Variants in PTPRG observed in about 807,000 individuals in gnomAD.
The protein encoded by PTPRG is receptor-type tyrosine-protein phosphatase gamma.
Under a neutral mutation model 165.3 loss-of-function variants are expected in PTPRG, and 102 were observed. The observed-to-expected ratio is 0.62, with a 90% confidence interval of 0.53 to 0.73. The LOEUF is 0.73. PTPRG is among the 30% of genes least tolerant of loss of function. The pLI is 0.00. For missense variants in PTPRG, 1,866 were observed against 1,861.4 expected (o/e 1.00, Z -0.05); for synonymous variants, 675 against 669.5 (o/e 1.01, Z -0.13).
At chr3:61,766,345 C>G (rs991896162) in intron 2 of PTPRG, among the ~76,000 whole-genome samples, 4 of 152,200 alleles carry the variant, frequency 2.6e-5, no homozygotes, top group Admixed American at 6.5e-5. Flanking sequence ...TGGATTCTTT[C>G]TCACATCCCA....
intron 2 of PTPRG, among the ~76,000 whole-genome samples, chr3:61,875,353 T>TG (rs2037705884): frequency 1.3e-5 from 2 of 151,408 alleles, no homozygotes; most frequent in Admixed American, 1.3e-4. Flanking sequence ...TCTAAGTACT[T>TG]GATTCCATCT....
intron 7 of PTPRG, among the ~76,000 whole-genome samples, chr3:62,162,813 G>A (rs1316795472): frequency 3.3e-5 from 5 of 152,204 alleles, no homozygotes; most frequent in African/African-American, 1.2e-4. Flanking sequence ...TGAAATAGCT[G>A]AGAGCATACA....
At chr3:61,623,053 C>T (rs1310013022) in intron 1 of PTPRG, among the ~76,000 whole-genome samples, 1 of 152,142 alleles carries the variant, frequency 6.6e-6, no homozygotes, top group African/African-American at 2.4e-5. Flanking sequence ...ATCTCACAGG[C>T]ACATCAAGCT....
chr3:61,591,941 C>A (rs1700579872), intron 1 of PTPRG, among the ~76,000 whole-genome samples: 1 of 151,954 alleles, frequency 6.6e-6, no homozygotes, highest in Non-Finnish European at 1.5e-5. Flanking sequence ...CAGAAGAAAA[C>A]AGATGTGAAG....
chr3:61,677,708 C>A (rs1399377079), intron 1 of PTPRG, among the ~76,000 whole-genome samples: 1 of 152,150 alleles, frequency 6.6e-6, no homozygotes, highest in Non-Finnish European at 1.5e-5. Flanking sequence ...TGATTTGGAA[C>A]AAACCAAGCT....
chr3:61,742,901 C>A, intron 1 of PTPRG: 1 of 1,478,242 alleles, frequency 6.8e-7, no homozygotes, highest in East Asian at 2.3e-5. Flanking sequence ...TGCTGCTGGT[C>A]CCCCAGGACA....
At chr3:62,189,185 C>CCCTT (rs1699742281) in intron 8 of PTPRG, among the ~76,000 whole-genome samples, 1 of 152,096 alleles carries the variant, frequency 6.6e-6, no homozygotes, top group Admixed American at 6.5e-5. Flanking sequence ...ACTAATTTAT[C>CCCTT]CCTTCCTCCC....
intron 2 of PTPRG, among the ~76,000 whole-genome samples, chr3:61,768,514 C>T (rs1238816880): frequency 6.6e-6 from 1 of 152,096 alleles, no homozygotes. Flanking sequence ...GGTTGTTGCT[C>T]GGAGAGCATT....
rs571913648 is a variant in PTPRG, at chr3:61,786,008, C to T, written c.190+37026C>T. On this transcript the variant is annotated intron_variant, in intron 2 of 29. Transcript: ENST00000474889. The stretch of plus-strand genomic sequence containing the variant: ...CTTTTTCTGTAGTCCCCTCTCTAAA[C>T]AGGAAGCGACAACTACTAATTAGAC... 1.6e-4 allele frequency among the ~76,000 whole-genome samples: 24 copies of T among 152,306 alleles called. No individual in the cohort carries two copies. In the South Asian group the frequency reaches 3.9e-3, roughly 25 times the overall value.
Position 62,195,273 on chromosome 3 carries a change from C to G in PTPRG, c.1327+103C>G. Reference sequence around the variant, plus strand: ...GTGCTGGGGAAAAATACAAACAAGCCTGGCAGAAGAATCAGTGTAGGGTTT... The same window carrying G: ...GTGCTGGGGAAAAATACAAACAAGCGTGGCAGAAGAATCAGTGTAGGGTTT... On this transcript the variant is annotated intron_variant, in intron 10 of 29. Coordinates refer to ENST00000474889, the MANE Select transcript of PTPRG (RefSeq NM_002841.4). This position sits in a 1 kb window ranked among gnomAD's most constrained non-coding sequence, Gnocchi z 4.4. 1 of 1,052,376 alleles carries G rather than the reference C, an allele frequency of 9.5e-7. No homozygotes were observed. The allele number at this position is 1,052,376 out of a possible 1,614,324, so 65.2% of individuals were successfully genotyped here. A position where few individuals can be genotyped will look rare whatever the true frequency, so the allele number is the denominator to read the frequency against.
intron 1 of PTPRG, among the ~76,000 whole-genome samples, chr3:61,655,780 A>T (rs989918976): frequency 6.6e-6 from 1 of 151,786 alleles, no homozygotes; most frequent in Non-Finnish European, 1.5e-5. Flanking sequence ...TAATTTTTAA[A>T]TTTTTTTTGT....
intron 8 of PTPRG, among the ~76,000 whole-genome samples, chr3:62,182,678 T>G (rs963007158): frequency 6.6e-6 from 1 of 152,232 alleles, no homozygotes; most frequent in African/African-American, 2.4e-5. Flanking sequence ...TTTGTTTGTT[T>G]GAGATGGAGT....
chr3:61,583,735 C>T (rs1700363249), intron 1 of PTPRG, among the ~76,000 whole-genome samples: 1 of 152,154 alleles, frequency 6.6e-6, no homozygotes, highest in Non-Finnish European at 1.5e-5. Context: ...AGCCACGTGA[C>T]ATGAAGACAT....
chr3:61,905,730 A>T (rs115447061), intron 2 of PTPRG, among the ~76,000 whole-genome samples: 1 of 152,216 alleles, frequency 6.6e-6, no homozygotes, highest in East Asian at 1.9e-4. Context: ...CACTCTTTCT[A>T]TGGTGGGATA....
chr3:61,675,038 C>T (rs1575581890), intron 1 of PTPRG, among the ~76,000 whole-genome samples: 1 of 152,156 alleles, frequency 6.6e-6, no homozygotes, highest in Non-Finnish European at 1.5e-5. Flanking sequence ...AAGAAACAGC[C>T]TAGCATTACC....
chr3:61,965,383 G>A (rs1010629229), intron 2 of PTPRG, among the ~76,000 whole-genome samples: 11 of 151,918 alleles, frequency 7.2e-5, no homozygotes, highest in Admixed American at 5.9e-4. Flanking sequence ...AGCTACTGGG[G>A]AGCCTGAGGC....
At chr3:61,745,936 A>G (rs2033180354) in intron 1 of PTPRG, among the ~76,000 whole-genome samples, 2 of 152,338 alleles carry the variant, frequency 1.3e-5, no homozygotes, top group South Asian at 4.1e-4. Flanking sequence ...TTAGCAGGTA[A>G]AACTGATCCC....
chr3:61,565,699 G>A (rs1699895489), intron 1 of PTPRG, among the ~76,000 whole-genome samples: 2 of 149,638 alleles, frequency 1.3e-5, no homozygotes, highest in East Asian at 3.9e-4. Context: ...TTATATCTAG[G>A]ATGCTGCCAT....
At chr3:62,276,894 A>G in intron 24 of PTPRG, 78 bp from the exon 25 acceptor site, 1 of 1,099,500 alleles carries the variant, frequency 9.1e-7, no homozygotes, top group African/African-American at 1.6e-5. Context: ...TTATTCATCA[A>G]GCAAATCTCA....
Sources: gnomAD v4.1 joint callset for allele counts (sites outside exome capture counted in the v4.1 genomes callset) on GRCh38, gnomAD v4.1.1 for gene constraint, Gnocchi (gnomAD v3.1) non-coding constraint, MANE v1.5 for transcripts, NCBI Gene and HGNC (gene_info 2026-07-23, HGNC 2026-07-21) for gene names.